RREB1: variants seen among roughly 807,000 people sequenced by gnomAD.
RREB1 encodes the protein ras-responsive element-binding protein 1.
RREB1 carries 27 observed loss-of-function variants against 117.8 expected under a neutral mutation model. The ratio of observed to expected loss-of-function variants is 0.23; its 90% CI spans 0.17 to 0.32. The LOEUF (loss-of-function observed/expected upper bound fraction) is 0.32. RREB1 is among the 10% of genes least tolerant of loss of function. The pLI is 1.00. For synonymous variants in RREB1, 1,298 were observed against 1,026.7 expected (o/e 1.26, Z -5.05); for missense variants, 2,577 against 2,378.2 (o/e 1.08, Z -1.74).
At chr6:7,245,527 G>T (rs529899390) in intron 11 of RREB1, among the ~76,000 whole-genome samples, 2 of 152,358 alleles carry the variant, frequency 1.3e-5, no homozygotes, top group South Asian at 4.1e-4. Flanking sequence ...GTAAAGAGAA[G>T]GCCTTTTGAC....
Position 7,229,994 on chromosome 6 carries a change from G to A in RREB1, c.1895G>A (p.Gly632Asp). The change falls in exon 10 of 13, where the codon GGC becomes GAC. Residue 632 changes from glycine to aspartate, a missense_variant. Gly to Asp is a moderately conservative substitution (Grantham distance 94, BLOSUM62 -1). Coordinates refer to ENST00000379938, the MANE Select transcript of RREB1 (RefSeq NM_001003699.4). This position sits in a 1 kb window ranked among gnomAD's most constrained non-coding sequence, Gnocchi z 4.5. ...AAGGCCTTCATGACAGCGCCCGGCG[G>A]CAAGAAGACGCCCGCCATGCGCAAG... ...ELKAFMTAPG[G>D]KKTPAMRKVL... is the part of the protein sequence containing the mutation. 1 of 1,607,276 alleles carries A rather than the reference G, an allele frequency of 6.2e-7. No homozygotes were observed. The highest frequency in any genetic ancestry group is 8.5e-7 in the Non-Finnish European group (1 of 1,175,382).
intron 8 of RREB1, among the ~76,000 whole-genome samples, chr6:7,221,216 C>T (rs1415017621): frequency 1.3e-5 from 2 of 151,506 alleles, no homozygotes; most frequent in South Asian, 2.1e-4. Flanking sequence ...GGCCGGACTG[C>T]GGACTGCAGT....
At position 7,229,287 on chromosome 6, in the gene RREB1, C is replaced by G; in HGVS notation, c.1188C>G (p.Leu396=). Residue 396 remains leucine, a synonymous_variant, in exon 10 of 13, where the codon CTC becomes CTG. Transcript: ENST00000379938. The surrounding 1 kb of genome is among the most constrained non-coding windows in gnomAD (Gnocchi z 4.5). ...ACCAGGCAATTCAGCTCCAGACACT[C>G]AAGTGTCAGCTACCTCAGGACCCCG... The part of the protein sequence containing the change: ...DDNQAIQLQT[L]KCQLPQDPGC... 6.2e-7 allele frequency: 1 copy of G among 1,614,168 alleles called. No individual in the cohort carries two copies. The highest frequency in any genetic ancestry group is 8.5e-7 in the Non-Finnish European group (1 of 1,180,040).
intron 6 of RREB1, among the ~76,000 whole-genome samples, chr6:7,208,133 C>T (rs1766378526): frequency 6.6e-6 from 1 of 152,126 alleles, no homozygotes; most frequent in Non-Finnish European, 1.5e-5. Context: ...TGAAATCAAC[C>T]CTGAGAGAAA....
chr6:7,231,386 G>C lies in RREB1; in HGVS notation c.3287G>C (p.Ser1096Thr). 1 of 1,613,604 alleles carries C rather than the reference G, an allele frequency of 6.2e-7. No homozygotes were observed. Among genetic ancestry groups the C allele is most frequent in the Non-Finnish European group, 8.5e-7 (1 of 1,179,946 alleles). ...VADPGPASTG[S>T]NTTASDSLGG... ...GACCCAGGGCCCGCAAGCACTGGCA[G>C]TAACACCACGGCTTCAGACAGCTTA... Residue 1096 changes from serine (S) to threonine (T), a missense_variant, in exon 10 of 13, where the codon AGT (serine) becomes ACT (threonine). Physicochemically the swap from Ser to Thr is moderately conservative, Grantham distance 58 (BLOSUM62 1). Coordinates refer to ENST00000379938, the MANE Select transcript of RREB1 (RefSeq NM_001003699.4).
intron 6 of RREB1, among the ~76,000 whole-genome samples, chr6:7,205,100 C>G (rs949848593): frequency 1.3e-5 from 2 of 152,156 alleles, no homozygotes; most frequent in South Asian, 4.1e-4. Context: ...AATGGTTGAC[C>G]GAACCTGCAA....
Position 7,248,586 on chromosome 6 carries a change from T to C in RREB1, c.4847T>C (p.Ile1616Thr). ...LKHSLVRHQR[I>T]HQKARHAKHH... is the part of the protein sequence containing the mutation. ...CACAGCCTGGTTCGCCACCAGCGGA[T>C]CCACCAGAAAGCCAGGCATGCCAAA... The change falls in exon 13 of 13, where the codon ATC becomes ACC. Residue 1616 changes from isoleucine to threonine, a missense_variant. Physicochemically the swap from Ile to Thr is moderately conservative, Grantham distance 89. Coordinates refer to ENST00000379938, the MANE Select transcript of RREB1 (RefSeq NM_001003699.4). The C allele has an allele frequency of 6.2e-7, 1 of 1,614,176 alleles. No homozygotes were observed. The highest frequency in any genetic ancestry group is 8.5e-7 in the Non-Finnish European group (1 of 1,180,034).
At chr6:7,117,027 A>G (rs139416479) in intron 1 of RREB1, among the ~76,000 whole-genome samples, 47 of 152,278 alleles carry the variant, frequency 3.1e-4, no homozygotes, top group African/African-American at 1.0e-3. Context: ...TGGTCTGTGT[A>G]TAATTTAGCT....
chr6:7,141,638 A>G (rs1056418558), intron 1 of RREB1, among the ~76,000 whole-genome samples: 2 of 152,254 alleles, frequency 1.3e-5, no homozygotes, highest in Non-Finnish European at 1.5e-5. Flanking sequence ...CAGAATAAAA[A>G]CATGTAGCAG....
intron 1 of RREB1, among the ~76,000 whole-genome samples, chr6:7,117,188 A>G (rs1178095731): frequency 6.6e-6 from 1 of 152,130 alleles, no homozygotes; most frequent in East Asian, 1.9e-4. Flanking sequence ...TATAAAAATA[A>G]TCATTTTCAC....
chr6:7,242,092 CAT>C (rs918876764), intron 11 of RREB1, among the ~76,000 whole-genome samples: 1 of 152,216 alleles, frequency 6.6e-6, no homozygotes, highest in African/African-American at 2.4e-5. Flanking sequence ...GTGATCTTCC[CAT>C]AGTGGTTCCA....
intron 11 of RREB1, among the ~76,000 whole-genome samples, chr6:7,243,286 T>C (rs1321319005): frequency 6.6e-6 from 1 of 152,182 alleles, no homozygotes; most frequent in East Asian, 1.9e-4. Flanking sequence ...AAGCAATAGA[T>C]CTTTAATTGT....
rs748318952 is a variant in RREB1 at position 7,229,068 on chromosome 6, G to A, written c.969G>A (p.Lys323=). ...QHRFVCDTCD[K]AFPMLCSLAL... ...GTTTTGTCTGCGACACCTGTGACAA[G>A]GCGTTCCCCATGCTCTGCTCACTGG... Residue 323 remains lysine, a synonymous_variant, in exon 10 of 13, where the codon AAG becomes AAA. Transcript: ENST00000379938. The surrounding 1 kb of genome is among the most constrained non-coding windows in gnomAD (Gnocchi z 4.5). 1 of 1,571,940 alleles carries A rather than the reference G, an allele frequency of 6.4e-7. No individual in the cohort carries two copies. Among genetic ancestry groups the A allele is most frequent in the Non-Finnish European group, 8.7e-7 (1 of 1,154,118 alleles).
chr6:7,197,626 G>A (rs866917233), intron 6 of RREB1, among the ~76,000 whole-genome samples: 32 of 152,148 alleles, frequency 2.1e-4, no homozygotes, highest in African/African-American at 4.1e-4. Flanking sequence ...AGATCACGCC[G>A]CTGCACTCCA....
At chr6:7,129,302 G>A (rs1015219744) in intron 1 of RREB1, among the ~76,000 whole-genome samples, 1 of 152,230 alleles carries the variant, frequency 6.6e-6, no homozygotes, top group African/African-American at 2.4e-5. Flanking sequence ...TGAGAAGATG[G>A]GTTGGAGGGA....
chr6:7,244,108 C>A (rs1017300482), intron 11 of RREB1, among the ~76,000 whole-genome samples: 2 of 151,522 alleles, frequency 1.3e-5, no homozygotes, highest in Non-Finnish European at 2.9e-5. Flanking sequence ...ACTAAAAATA[C>A]AAAAATTAGC....
chr6:7,232,999 A>G (rs1768096677), intron 10 of RREB1, among the ~76,000 whole-genome samples: 1 of 152,094 alleles, frequency 6.6e-6, no homozygotes, highest in African/African-American at 2.4e-5. Flanking sequence ...GGTTCAAGCA[A>G]TTCTCCCTGC....
chr6:7,203,456 G>C lies in RREB1; in HGVS notation c.426-7348G>C, dbSNP rs113762365. On this transcript the variant is annotated intron_variant, in intron 6 of 12. Coordinates refer to ENST00000379938, the MANE Select transcript of RREB1 (RefSeq NM_001003699.4). ...AAGAATGCAGAAGGGTCTTTACCCA[G>C]GACCAAGATAGAAAAGGAACTGCTC... Among the ~76,000 whole-genome samples, 21 of 152,314 alleles carry C rather than the reference G, an allele frequency of 1.4e-4. 1 individual carries two copies. The highest frequency in any genetic ancestry group is 4.3e-4 in the African/African-American group (18 of 41,564).
chr6:7,126,846 A>T (rs545793840), intron 1 of RREB1, among the ~76,000 whole-genome samples: 2 of 152,164 alleles, frequency 1.3e-5, no homozygotes, highest in African/African-American at 2.4e-5. Flanking sequence ...AAATGCAAGG[A>T]TGGGTAAAAC....
Sources: gnomAD v4.1 joint callset for allele counts (sites outside exome capture counted in the v4.1 genomes callset) on GRCh38, gnomAD v4.1.1 for gene constraint, Gnocchi (gnomAD v3.1) non-coding constraint, MANE v1.5 for transcripts, NCBI Gene and HGNC (gene_info 2026-07-23, HGNC 2026-07-21) for gene names.